The following CNBD1 variants were observed in gnomAD, a reference collection of about 807,000 sequenced individuals.
CNBD1 encodes cyclic nucleotide-binding domain-containing protein 1.
In CNBD1, 71 loss-of-function variants were observed where a neutral mutation model predicts 54.4. The observed-to-expected ratio is 1.30, with a 90% confidence interval of 1.08 to 1.59. The LOEUF (loss-of-function observed/expected upper bound fraction) is 1.59. Among genes scored for constraint, CNBD1 ranks in the 40% most tolerant of loss-of-function variants. The probability of loss-of-function intolerance (pLI) is 0.00; values close to 1 mark genes in which losing one functional copy is unlikely to be tolerated. For missense variants in CNBD1, 659 were observed against 518.0 expected (o/e 1.27, Z -2.64); for synonymous variants, 182 against 170.7 (o/e 1.07, Z -0.51).
chr8:87,152,272 G>T (rs1400222572), intron 4 of CNBD1, among the ~76,000 whole-genome samples: 2 of 152,022 alleles, frequency 1.3e-5, no homozygotes, highest in Non-Finnish European at 2.9e-5. Context: ...CTTTGCTAAA[G>T]AGAAAGGCTA....
intron 8 of CNBD1, among the ~76,000 whole-genome samples, chr8:87,342,716 T>C (rs1303256891): frequency 1.3e-5 from 2 of 151,984 alleles, no homozygotes; most frequent in Non-Finnish European, 1.5e-5. Context: ...CAGGTTTTTA[T>C]TAGGGATTTC....
At chr8:87,419,770 T>C (rs980187567) in intron 2 of CNBD1, among the ~76,000 whole-genome samples, 4 of 151,746 alleles carry the variant, frequency 2.6e-5, no homozygotes, top group Non-Finnish European at 5.9e-5. Context: ...AAAGTATGAA[T>C]TCCTGTGAAT....
intron 8 of CNBD1, among the ~76,000 whole-genome samples, chr8:87,306,218 T>G (rs1372657125): frequency 3.9e-5 from 6 of 152,090 alleles, no homozygotes; most frequent in Non-Finnish European, 8.8e-5. Flanking sequence ...ACCTCACTCC[T>G]GCAAGAGTAG....
intron 4 of CNBD1, among the ~76,000 whole-genome samples, chr8:87,078,651 A>G (rs1024165620): frequency 6.6e-6 from 1 of 152,200 alleles, no homozygotes; most frequent in East Asian, 1.9e-4. Context: ...GAAAGGGACT[A>G]ATAGAGTCTT....
intron 8 of CNBD1, among the ~76,000 whole-genome samples, chr8:87,290,631 A>C (rs1289219308): frequency 6.6e-6 from 1 of 152,060 alleles, no homozygotes; most frequent in Non-Finnish European, 1.5e-5. Flanking sequence ...AACTTTTTTT[A>C]GTATTTCTTT....
chr8:87,359,812 T>C (rs1473744271), intron 10 of CNBD1, among the ~76,000 whole-genome samples: 1 of 152,038 alleles, frequency 6.6e-6, no homozygotes, highest in Non-Finnish European at 1.5e-5. Flanking sequence ...TCAAGTGTTA[T>C]TATTAGCTGT....
chr8:87,180,491 G>A (rs540312736), intron 4 of CNBD1, among the ~76,000 whole-genome samples: 3 of 152,156 alleles, frequency 2.0e-5, no homozygotes, highest in South Asian at 4.1e-4. Context: ...ATATATCATG[G>A]CATTTCATGC....
chr8:87,224,491 A>C (rs1028612814), intron 5 of CNBD1, among the ~76,000 whole-genome samples: 1 of 151,120 alleles, frequency 6.6e-6, no homozygotes, highest in Non-Finnish European at 1.5e-5. Flanking sequence ...ACCATTTATT[A>C]AATAGGGAAT....
intron 3 of CNBD1, among the ~76,000 whole-genome samples, chr8:86,928,032 T>C (rs1304484657): frequency 2.0e-5 from 3 of 152,108 alleles, no homozygotes; most frequent in African/African-American, 7.2e-5. Flanking sequence ...AGAGGATTAC[T>C]GAGTATGGTC....
intron 5 of CNBD1, among the ~76,000 whole-genome samples, chr8:87,227,968 C>G (rs931214806): frequency 6.6e-6 from 1 of 150,512 alleles, no homozygotes; most frequent in East Asian, 1.9e-4. Context: ...CTAAACTTCC[C>G]TTCTCGCTTC....
At chr8:87,230,621 G>C (rs2337006) in intron 5 of CNBD1, among the ~76,000 whole-genome samples, 84,968 of 151,944 alleles carry the variant, frequency 0.56, 24,397 homozygotes, top group African/African-American at 0.62. Context: ...GCAATATGCA[G>C]TAACAATGTA....
intron 2 of CNBD1, among the ~76,000 whole-genome samples, chr8:87,403,348 T>C (rs930291918): frequency 1.6e-4 from 25 of 152,002 alleles, no homozygotes; most frequent in African/African-American, 5.8e-4. Context: ...CTGAAATATA[T>C]GGCACTTGTC....
chr8:87,079,410 G>T (rs111613639), intron 4 of CNBD1, among the ~76,000 whole-genome samples: 101 of 152,064 alleles, frequency 6.6e-4, no homozygotes, highest in African/African-American at 2.3e-3. Flanking sequence ...TTCTAATGTG[G>T]CAGTACCATT....
At chr8:87,183,196 G>T (rs945090661) in intron 4 of CNBD1, among the ~76,000 whole-genome samples, 1 of 152,068 alleles carries the variant, frequency 6.6e-6, no homozygotes, top group Non-Finnish European at 1.5e-5. Context: ...CTTTGTCAAA[G>T]AACAGATGGT....
intron 4 of CNBD1, among the ~76,000 whole-genome samples, chr8:87,204,434 G>A (rs1008813318): frequency 1.7e-4 from 26 of 152,250 alleles, no homozygotes; most frequent in African/African-American, 6.3e-4. Flanking sequence ...ATTTAACTGA[G>A]AAGACTTTCA....
intron 4 of CNBD1, among the ~76,000 whole-genome samples, chr8:87,132,344 G>A (rs964122111): frequency 4.6e-5 from 7 of 151,610 alleles, no homozygotes; most frequent in Non-Finnish European, 8.9e-5. Context: ...AATACCTAAT[G>A]TGTGTCTAGA....
chr8:87,229,813 T>G (rs934925409), intron 5 of CNBD1, among the ~76,000 whole-genome samples: 1 of 152,242 alleles, frequency 6.6e-6, no homozygotes, highest in Non-Finnish European at 1.5e-5. Context: ...TTCAAATTTC[T>G]TCTCAAATAA....
chr8:87,293,843 A>G (rs1475751832), intron 8 of CNBD1, among the ~76,000 whole-genome samples: 1 of 152,172 alleles, frequency 6.6e-6, no homozygotes, highest in Admixed American at 6.5e-5. Context: ...GTGAGGCAGG[A>G]AAAATAGCAT....
At chr8:87,331,141 T>C (rs996026027) in intron 8 of CNBD1, among the ~76,000 whole-genome samples, 1 of 152,218 alleles carries the variant, frequency 6.6e-6, no homozygotes, top group Non-Finnish European at 1.5e-5. Flanking sequence ...TGTGGTTTGC[T>C]GCACCTATCA....
Sources: allele counts gnomAD v4.1 joint callset (sites outside exome capture counted in the v4.1 genomes callset), GRCh38; gene constraint gnomAD v4.1.1; transcripts MANE v1.5; gene names NCBI Gene and HGNC (gene_info 2026-07-23, HGNC 2026-07-21).